The following RUNDC3B variants were observed in gnomAD, a reference collection of about 807,000 sequenced individuals.
RUNDC3B encodes RUN domain-containing protein 3B.
A neutral mutation model predicts 58.4 loss-of-function variants in RUNDC3B; 33 were observed. The observed-to-expected ratio is 0.56, with a 90% CI of 0.43 to 0.75. The LOEUF (loss-of-function observed/expected upper bound fraction) is 0.75, where lower values mean the gene tolerates loss of function less well. RUNDC3B is among the 30% of genes least tolerant of loss of function. The pLI, the probability that RUNDC3B is intolerant of heterozygous loss-of-function variation, is 0.00. For synonymous variants in RUNDC3B, 193 were observed against 195.2 expected (o/e 0.99, Z 0.10); for missense variants, 501 against 535.7 (o/e 0.94, Z 0.64).
intron 6 of RUNDC3B, among the ~76,000 whole-genome samples, chr7:87,756,986 T>G (rs2130845823): frequency 6.6e-6 from 1 of 152,270 alleles, no homozygotes; most frequent in South Asian, 2.1e-4. Context: ...AAACCTATTA[T>G]TATTGTGAAG....
At chr7:87,760,789 A>T (rs1472297262) in intron 6 of RUNDC3B, among the ~76,000 whole-genome samples, 3 of 152,066 alleles carry the variant, frequency 2.0e-5, no homozygotes, top group African/African-American at 7.2e-5. Context: ...AAATGAGTGA[A>T]TTTAGACCTT....
Position 87,702,540 on chromosome 7 carries a change from G to A in RUNDC3B, c.372+1986G>A, listed in dbSNP as rs146703753. 9.2e-5 allele frequency among the ~76,000 whole-genome samples: 14 copies of A among 151,996 alleles called. No individual in the cohort carries two copies. In the East Asian group the frequency reaches 1.9e-3, roughly 21 times the overall value. ...AGCAGTCTTTCTGCTGCAGCCTCCC[G>A]AAGTGCTGGATTACAGGCGTTGAGT... On this transcript the variant is annotated intron_variant, in intron 3 of 10. Transcript: ENST00000394654.
chr7:87,792,968 A>G (rs1835607373), intron 8 of RUNDC3B, among the ~76,000 whole-genome samples: 1 of 152,112 alleles, frequency 6.6e-6, no homozygotes, highest in Non-Finnish European at 1.5e-5. Flanking sequence ...TGAAGAAAAA[A>G]GGGAGAAGAC....
At chr7:87,809,653 C>T (rs1417990483) in intron 9 of RUNDC3B, among the ~76,000 whole-genome samples, 1 of 151,930 alleles carries the variant, frequency 6.6e-6, no homozygotes, top group East Asian at 1.9e-4. Context: ...GAGTGTATAC[C>T]CACCTAACTT....
chr7:87,754,095 G>T (rs1188776813), intron 6 of RUNDC3B, among the ~76,000 whole-genome samples: 2 of 151,308 alleles, frequency 1.3e-5, no homozygotes, highest in Non-Finnish European at 1.5e-5. Context: ...GCTTTGTGCA[G>T]TACTGATACT....
intron 3 of RUNDC3B, among the ~76,000 whole-genome samples, chr7:87,707,175 G>T (rs904322336): frequency 1.3e-5 from 2 of 152,082 alleles, no homozygotes; most frequent in African/African-American, 4.8e-5. Flanking sequence ...CATACAGAAT[G>T]TCTAGTATAC....
At chr7:87,700,609 G>C (rs943623164) in intron 3 of RUNDC3B, 55 bp downstream of exon 3, 2 of 1,520,394 alleles carry the variant, frequency 1.3e-6, no homozygotes, top group Non-Finnish European at 1.8e-6. Context: ...CATGTATTTG[G>C]AATAGCAGGA....
chr7:87,806,759 G>C (rs1325899034), intron 8 of RUNDC3B, among the ~76,000 whole-genome samples: 2 of 152,040 alleles, frequency 1.3e-5, no homozygotes, highest in African/African-American at 4.8e-5. Context: ...CAGTGTAGTT[G>C]TCATTGATTT....
At chr7:87,761,509 C>T (rs1451877243) in intron 6 of RUNDC3B, among the ~76,000 whole-genome samples, 1 of 151,820 alleles carries the variant, frequency 6.6e-6, no homozygotes, top group African/African-American at 2.4e-5. Flanking sequence ...AACATGCGGT[C>T]AAACAGAAAC....
At chr7:87,656,964 C>T (rs951985001) in intron 2 of RUNDC3B, among the ~76,000 whole-genome samples, 2 of 152,130 alleles carry the variant, frequency 1.3e-5, no homozygotes, top group African/African-American at 2.4e-5. Context: ...ACAAAAATCC[C>T]TGCCCTCATT....
chr7:87,694,340 T>A (rs937619204), intron 2 of RUNDC3B, among the ~76,000 whole-genome samples: 3 of 152,146 alleles, frequency 2.0e-5, no homozygotes, highest in Admixed American at 1.3e-4. Context: ...GGAATGTACT[T>A]CTTAGTTTCC....
At chr7:87,654,878 A>G (rs940152605) in intron 2 of RUNDC3B, among the ~76,000 whole-genome samples, 2 of 152,168 alleles carry the variant, frequency 1.3e-5, no homozygotes, top group African/African-American at 4.8e-5. Flanking sequence ...GATTTAGGCA[A>G]AGAACCTGAA....
At chr7:87,730,216 G>C (rs62489864) in intron 4 of RUNDC3B, among the ~76,000 whole-genome samples, 124 of 152,276 alleles carry the variant, frequency 8.1e-4, no homozygotes, top group Non-Finnish European at 1.5e-3. Flanking sequence ...GAATGCAGGG[G>C]ACTTTGTCTT....
At chr7:87,686,367 T>A (rs1045879108) in intron 2 of RUNDC3B, among the ~76,000 whole-genome samples, 1 of 152,294 alleles carries the variant, frequency 6.6e-6, no homozygotes, top group South Asian at 2.1e-4. Flanking sequence ...ACGAGCATGG[T>A]GTAACACAAA....
chr7:87,703,885 C>CTTTTTTTTTTT, intron 3 of RUNDC3B, among the ~76,000 whole-genome samples: 62 of 60,256 alleles, frequency 1.0e-3, no homozygotes, highest in Non-Finnish European at 1.3e-3. Context: ...TCAGTTTTTT[C>CTTTTTTTTTTT]TTTTTTTTTT....
chr7:87,733,669 C>T (rs1425174520), intron 4 of RUNDC3B, among the ~76,000 whole-genome samples: 1 of 152,158 alleles, frequency 6.6e-6, no homozygotes, highest in Non-Finnish European at 1.5e-5. Context: ...TGTTCCACCT[C>T]AGATCATCAG....
At chr7:87,629,730 G>T (rs1273138065) in intron 1 of RUNDC3B, among the ~76,000 whole-genome samples, 3 of 151,952 alleles carry the variant, frequency 2.0e-5, no homozygotes, top group Non-Finnish European at 4.4e-5. Flanking sequence ...TTCGAGACCA[G>T]CCTGGCCAAC....
chr7:87,696,236 G>A (rs1488941451), intron 2 of RUNDC3B, among the ~76,000 whole-genome samples: 1 of 152,158 alleles, frequency 6.6e-6, no homozygotes, highest in Non-Finnish European at 1.5e-5. Context: ...ATATAGAGTA[G>A]TCAGTTTCTT....
chr7:87,831,860 C>A lies in RUNDC3B; in HGVS notation c.*1830C>A, dbSNP rs1447828879. On this transcript the variant is annotated 3_prime_UTR_variant, in exon 11 of 11. Coordinates refer to ENST00000394654, the MANE Select transcript of RUNDC3B (RefSeq NM_001134405.2). ...TCCACTCTCAACCAACATTTATTAT[C>A]CTTTAGTAATTAAACAATGGTTTTA... 1 of 151,842 alleles carries A rather than the reference C, an allele frequency of 6.6e-6. No individual in the cohort carries two copies. Among genetic ancestry groups the A allele is most frequent in the Non-Finnish European group, 1.5e-5 (1 of 67,888 alleles). The allele number at this position is 151,842 out of a possible 1,614,324, so 9.4% of individuals were successfully genotyped here. A position where few individuals can be genotyped will look rare whatever the true frequency, so the allele number is the denominator to read the frequency against.
Sources: gnomAD v4.1 joint callset for allele counts (sites outside exome capture counted in the v4.1 genomes callset) on GRCh38, gnomAD v4.1.1 for gene constraint, MANE v1.5 for transcripts, NCBI Gene and HGNC (gene_info 2026-07-23, HGNC 2026-07-21) for gene names.